Variants in SLX4 observed in about 807,000 individuals in gnomAD.
The protein encoded by SLX4 is structure-specific endonuclease subunit SLX4.
Under a neutral mutation model 146.2 loss-of-function variants are expected in SLX4, and 112 were observed. That is an observed-to-expected ratio of 0.77 (90% CI 0.66 to 0.90). The LOEUF (loss-of-function observed/expected upper bound fraction) is 0.90, where lower values mean the gene tolerates loss of function less well. Among genes scored for constraint, SLX4 ranks in the 40% least tolerant of loss-of-function variants. The pLI is 0.00. For missense variants in SLX4, 2,563 were observed against 2,392.7 expected, an observed-to-expected ratio of 1.07 and a Z score of -1.49; for synonymous variants, 1,061 against 997.7, an observed-to-expected ratio of 1.06 and a Z score of -1.20.
At position 3,596,337 on chromosome 16, in the gene SLX4, G is replaced by C; in HGVS notation, c.1740C>G (p.Ser580Arg). ...CGTGGAGAGCGGGTGACCTTCGCTCGCTCAGCTCTGAGTGCTCAGGTGGCA... is the reference window on the plus strand; with the variant it reads ...CGTGGAGAGCGGGTGACCTTCGCTCCCTCAGCTCTGAGTGCTCAGGTGGCA... Reference protein sequence around the residue: ...PLVPPEHSELSERRSPALHGT... With the variant: ...PLVPPEHSELRERRSPALHGT... Residue 580 changes from serine to arginine, a missense_variant, in exon 8 of 15, where the codon AGC becomes AGG. Ser to Arg is a moderately radical substitution (Grantham distance 110, BLOSUM62 -1). Coordinates refer to ENST00000294008, the MANE Select transcript of SLX4 (RefSeq NM_032444.4). The C allele has an allele frequency of 6.3e-7, 1 of 1,592,752 alleles. No individual in the cohort carries two copies. Among genetic ancestry groups the C allele is most frequent in the South Asian group, 1.1e-5 (1 of 88,346 alleles).
chr16:3,602,961 C>T lies in SLX4; in HGVS notation c.761-654G>A, dbSNP rs1033343274. On this transcript the variant is annotated intron_variant, in intron 3 of 14. Transcript: ENST00000294008. ...CACAAGGGATATGCCCTGAACGCCT[C>T]ATAAATCCCCAAGTTCTTCATGGCT... 5.9e-5 allele frequency among the ~76,000 whole-genome samples: 9 copies of T among 152,208 alleles called. No individual in the cohort carries two copies. In the South Asian group the frequency reaches 8.3e-4, roughly 14 times the overall value.
chr16:3,585,379 G>A (rs1266001119), intron 12 of SLX4, among the ~76,000 whole-genome samples: 1 of 152,142 alleles, frequency 6.6e-6, no homozygotes, highest in Non-Finnish European at 1.5e-5. Flanking sequence ...GAGGTCAGGA[G>A]ATCGAGACCA....
In SLX4 at chr16:3,583,456, T is replaced by C. The variant is rs2040467544; in HGVS notation, c.4794A>G (p.Ile1598Met). ...CCAGGGTCTGGTGAGTGTACTGGAA[T>C]ATCTCCTTCAGCTTCAGAACCATCT... ...KRQMVLKLKE[I>M]FQYTHQTLDS... is the part of the protein sequence containing the mutation. Residue 1598 changes from isoleucine to methionine, a missense_variant, in exon 14 of 15, where the codon ATA (isoleucine) becomes ATG (methionine). Transcript: ENST00000294008. The C allele has an allele frequency of 6.2e-7, 1 of 1,614,158 alleles. No homozygotes were observed. Among genetic ancestry groups the C allele is most frequent in the Admixed American group, 1.7e-5 (1 of 60,016 alleles).
In SLX4 at chr16:3,608,995, C is replaced by T; in HGVS notation, c.-31G>A. 6.2e-7 allele frequency: 1 copy of T among 1,604,522 alleles called. No individual in the cohort carries two copies. Among genetic ancestry groups the T allele is most frequent in the Middle Eastern group, 1.9e-4 (1 of 5,366 alleles). Reference sequence around the variant, plus strand: ...TTCTTCTCTACTTCTCCATTAGATACTTGGAGAGTTTGCACAATTGAACAA... The same window carrying T: ...TTCTTCTCTACTTCTCCATTAGATATTTGGAGAGTTTGCACAATTGAACAA... On this transcript the variant is annotated 5_prime_UTR_variant, in exon 2 of 15. Transcript: ENST00000294008.
In SLX4 at chr16:3,589,955, G is replaced by T. The variant is rs755523528; in HGVS notation, c.3683C>A (p.Ser1228Tyr). 6 of 1,613,856 alleles carry T rather than the reference G, an allele frequency of 3.7e-6. No homozygotes were observed. In the South Asian group the frequency reaches 6.6e-5, roughly 18 times the overall value. Residue 1228 changes from serine to tyrosine, a missense_variant, in exon 12 of 15, where the codon TCT becomes TAT. Transcript: ENST00000294008. This position sits in a 1 kb window ranked among gnomAD's most constrained non-coding sequence, Gnocchi z 6.2. The stretch of plus-strand genomic sequence containing the variant: ...CCAGGGAGCCCCTCTCCTGCCCAAA[G>T]AGCCCCGATTCTCCGGCAGCGCCCC... ...DEGALPENRG[S>Y]LGRRGAPWLF...
chr16:3,600,312 C>T (rs1246645526), intron 5 of SLX4, among the ~76,000 whole-genome samples: 1 of 152,194 alleles, frequency 6.6e-6, no homozygotes, highest in Non-Finnish European at 1.5e-5. Flanking sequence ...AGGTTCCTAA[C>T]AGGCCACAGA....
chr16:3,587,324 C>T (rs769515075), intron 12 of SLX4, among the ~76,000 whole-genome samples: 4 of 152,050 alleles, frequency 2.6e-5, no homozygotes, highest in East Asian at 1.9e-4. Context: ...TGGTGAAACC[C>T]GACTCTACTA....
chr16:3,593,339 G>T (rs2040614138), intron 10 of SLX4, among the ~76,000 whole-genome samples: 1 of 152,218 alleles, frequency 6.6e-6, no homozygotes, highest in Non-Finnish European at 1.5e-5. Context: ...CTCCCAAAGT[G>T]CTGGGATTAC....
chr16:3,607,254 A>G (rs981572800), intron 2 of SLX4, among the ~76,000 whole-genome samples: 9 of 152,184 alleles, frequency 5.9e-5, no homozygotes, highest in Admixed American at 5.2e-4. Context: ...TCCGACTGGC[A>G]AAGAGCACGA....
intron 3 of SLX4, among the ~76,000 whole-genome samples, chr16:3,603,893 G>A (rs1265589608): frequency 6.6e-6 from 1 of 152,212 alleles, no homozygotes; most frequent in East Asian, 1.9e-4. Context: ...AATCCAGAAA[G>A]TGGGAAATCT....
At chr16:3,585,897 G>C (rs1443701990) in intron 12 of SLX4, among the ~76,000 whole-genome samples, 2 of 151,948 alleles carry the variant, frequency 1.3e-5, no homozygotes, top group Non-Finnish European at 2.9e-5. Flanking sequence ...CAGCTACTCG[G>C]GAGGCTGAGG....
chr16:3,593,977 T>C (rs1303045995), intron 10 of SLX4, among the ~76,000 whole-genome samples: 7 of 152,136 alleles, frequency 4.6e-5, no homozygotes, highest in African/African-American at 1.7e-4. Context: ...GTTCATGCCA[T>C]TCTCCTGCCT....
rs2040818977 is a variant in SLX4 at position 3,609,044 on chromosome 16, A to G, written c.-80T>C. On this transcript the variant is annotated 5_prime_UTR_variant, in exon 2 of 15. Coordinates refer to ENST00000294008, the MANE Select transcript of SLX4 (RefSeq NM_032444.4). ...AAAAAGTACTGTTTTCCTCTCTATA[A>G]TGATTGAAGTATCTTTGTTCAAATT... 6.7e-7 allele frequency: 1 copy of G among 1,483,680 alleles called. No individual in the cohort carries two copies. Among genetic ancestry groups the G allele is most frequent in the African/African-American group, 1.4e-5 (1 of 72,220 alleles). The allele number at this position is 1,483,680 out of a possible 1,614,324, so 91.9% of individuals were successfully genotyped here.
At position 3,600,984 on chromosome 16, in the gene SLX4, C is replaced by G. The variant is rs1333764898; in HGVS notation, c.1158G>C (p.Met386Ile). 1 of 1,613,664 alleles carries G rather than the reference C, an allele frequency of 6.2e-7. No individual in the cohort carries two copies. Among genetic ancestry groups the G allele is most frequent in the South Asian group, 1.1e-5 (1 of 91,060 alleles). ...CTTCCTTTTCGTCGACTTACCTGAA[C>G]ATGGGTGGGCTGCTGCTACCCTCAG... ...AQPEGSSSPP[M>I]FSFSDHSRGL... Residue 386 changes from methionine (M) to isoleucine (I), a missense_variant, in exon 5 of 15, where the codon ATG becomes ATC. Transcript: ENST00000294008.
intron 5 of SLX4, among the ~76,000 whole-genome samples, chr16:3,599,261 A>G (rs543163760): frequency 2.0e-5 from 3 of 152,090 alleles, no homozygotes; most frequent in Non-Finnish European, 4.4e-5. Context: ...TCAGCTGCCC[A>G]TGACCTGTGT....
intron 7 of SLX4, 113 bp from the exon 8 acceptor site, chr16:3,596,506 G>T: frequency 7.7e-7 from 1 of 1,298,970 alleles, no homozygotes; most frequent in Non-Finnish European, 1.0e-6. Flanking sequence ...AGAGCAGGAT[G>T]TGGGCTGTGG....
chr16:3,584,264 TACA>T (rs1172093098), intron 13 of SLX4, among the ~76,000 whole-genome samples: 2 of 151,738 alleles, frequency 1.3e-5, no homozygotes, highest in Non-Finnish European at 2.9e-5. Flanking sequence ...CTACTAAAAA[TACA>T]ACAATTAGCC....
chr16:3,590,282 T>C lies in SLX4; in HGVS notation c.3356A>G (p.Glu1119Gly). Residue 1119 changes from glutamate to glycine, a missense_variant, in exon 12 of 15, where the codon GAA becomes GGA. Glu to Gly is a moderately conservative substitution (Grantham distance 98, BLOSUM62 -2). Transcript: ENST00000294008. This position sits in a 1 kb window ranked among gnomAD's most constrained non-coding sequence, Gnocchi z 4.8. ...CRNKGVLMFP[E>G]KSPSIDLTQS... Reference sequence around the variant, plus strand: ...GGTTAGGTCAATAGACGGAGATTTTTCTGGGAACATCAGGACCCCCTTATT... The same window carrying C: ...GGTTAGGTCAATAGACGGAGATTTTCCTGGGAACATCAGGACCCCCTTATT... 6.2e-7 allele frequency: 1 copy of C among 1,614,132 alleles called. No individual in the cohort carries two copies. The highest frequency in any genetic ancestry group is 8.5e-7 in the Non-Finnish European group (1 of 1,180,006).
In SLX4 at chr16:3,602,215, C is replaced by T. The variant is rs749002564; in HGVS notation, c.853G>A (p.Asp285Asn). ...AAACCCTTTTCCTCCAGGCTATCAT[C>T]ATGTGCCGATGCTCCTACCCGTGCA... is the stretch of plus-strand genomic sequence containing the variant. ...EFARVGASAH[D>N]DSLEEKGLFF... Residue 285 changes from aspartate (D) to asparagine (N), a missense_variant, in exon 4 of 15, where the codon GAT becomes AAT. Asp to Asn is a conservative substitution (Grantham distance 23). Coordinates refer to ENST00000294008, the MANE Select transcript of SLX4 (RefSeq NM_032444.4). 5.0e-6 allele frequency: 8 copies of T among 1,614,208 alleles called. No individual in the cohort carries two copies. The East Asian group carries it at 1.1e-4, about 22-fold the overall frequency.
Sources: gnomAD v4.1 joint callset for allele counts (sites outside exome capture counted in the v4.1 genomes callset) on GRCh38, gnomAD v4.1.1 for gene constraint, Gnocchi (gnomAD v3.1) non-coding constraint, MANE v1.5 for transcripts, NCBI Gene and HGNC (gene_info 2026-07-23, HGNC 2026-07-21) for gene names.